Variants in FAM120A observed in about 807,000 individuals in gnomAD.
FAM120A encodes the protein constitutive coactivator of PPAR-gamma-like protein 1.
Under a neutral mutation model 109.7 loss-of-function variants are expected in FAM120A, and 15 were observed. The ratio of observed to expected loss-of-function variants is 0.14; its 90% CI spans 0.09 to 0.21. The LOEUF (loss-of-function observed/expected upper bound fraction) is 0.21, where lower values mean the gene tolerates loss of function less well. FAM120A is among the 10% of genes least tolerant of loss of function. The pLI, the probability that FAM120A is intolerant of heterozygous loss-of-function variation, is 1.00. For synonymous variants in FAM120A, 493 were observed against 572.8 expected, an observed-to-expected ratio of 0.86 and a Z score of 1.99; for missense variants, 899 against 1,439.3, an observed-to-expected ratio of 0.62 and a Z score of 6.07.
At chr9:93,456,401 A>C (rs1187155425) in intron 1 of FAM120A, among the ~76,000 whole-genome samples, 4 of 152,266 alleles carry the variant, frequency 2.6e-5, no homozygotes, top group Non-Finnish European at 5.9e-5. Context: ...GCTCTTACAT[A>C]AAATGGCGTT....
At chr9:93,550,776 T>A (rs755482022) in intron 12 of FAM120A, 85 bp downstream of exon 12, 78 of 932,098 alleles carry the variant, frequency 8.4e-5, no homozygotes, top group Middle Eastern at 2.1e-4. Context: ...CAGGCAGAAT[T>A]GCTAATTCTT....
At chr9:93,518,143 A>T (rs1350538802) in intron 7 of FAM120A, among the ~76,000 whole-genome samples, 1 of 152,190 alleles carries the variant, frequency 6.6e-6, no homozygotes, top group Non-Finnish European at 1.5e-5. Context: ...AGAGACAGAC[A>T]TGTTAGACTT....
chr9:93,564,263 T>A lies in FAM120A; in HGVS notation c.3080T>A (p.Val1027Glu), dbSNP rs773428229. Residue 1027 changes from valine to glutamate, a missense_variant, in exon 18 of 18, where the codon GTG (valine) becomes GAG (glutamate). Around this residue, in one of 11 missense-constraint regions of FAM120A, gnomAD observed 170 missense variants for 205.0 expected, o/e 0.83. Transcript: ENST00000277165. ...CCTTATGCTGCTTCAGCAGAAGAAG[T>A]GGCCAAAGAACTTAAGTCAAAATCT... is the stretch of plus-strand genomic sequence containing the variant. ...RPPYAASAEE[V>E]AKELKSKSGE... is the part of the protein sequence containing the mutation. The A allele has an allele frequency of 1.9e-6, 3 of 1,613,396 alleles. No individual in the cohort carries two copies. Among genetic ancestry groups the A allele is most frequent in the Admixed American group, 1.7e-5 (1 of 59,996 alleles).
chr9:93,512,551 G>A (rs1305792432), intron 5 of FAM120A, among the ~76,000 whole-genome samples: 4 of 144,598 alleles, frequency 2.8e-5, no homozygotes, highest in Non-Finnish European at 6.0e-5. Context: ...TTTTTTTACC[G>A]AAAGCCCACC....
intron 10 of FAM120A, among the ~76,000 whole-genome samples, chr9:93,535,130 T>G (rs2131488438): frequency 6.6e-6 from 1 of 152,280 alleles, no homozygotes; most frequent in South Asian, 2.1e-4. Flanking sequence ...AATAATTGGT[T>G]TAGGTACACA....
In FAM120A at chr9:93,452,984, C is replaced by T; in HGVS notation, c.474+595C>T. 5 of 1,329,314 alleles carry T rather than the reference C, an allele frequency of 3.8e-6. No individual in the cohort carries two copies. The highest frequency in any genetic ancestry group is 3.8e-6 in the Non-Finnish European group (4 of 1,041,600). The allele number at this position is 1,329,314 out of a possible 1,614,324, so 82.3% of individuals were successfully genotyped here. ...AACGCAGTGCCCTGTCCGTGTTCCT[C>T]TTAGTACAGGGTGTTTAGAGAATCT... On this transcript the variant is annotated intron_variant, in intron 1 of 17. Coordinates refer to ENST00000277165, the MANE Select transcript of FAM120A (RefSeq NM_014612.5). The surrounding 1 kb of genome is among the most constrained non-coding windows in gnomAD (Gnocchi z 7.0).
At chr9:93,473,677 A>C (rs991177260) in intron 2 of FAM120A, among the ~76,000 whole-genome samples, 1 of 152,222 alleles carries the variant, frequency 6.6e-6, no homozygotes, top group Non-Finnish European at 1.5e-5. Flanking sequence ...CAGTCAACAA[A>C]ATTGTGATTT....
intron 7 of FAM120A, among the ~76,000 whole-genome samples, chr9:93,525,342 C>T (rs1861028044): frequency 6.6e-6 from 1 of 152,088 alleles, no homozygotes; most frequent in Non-Finnish European, 1.5e-5. Context: ...TTTCCTAACA[C>T]TTGGCCTCCC....
At chr9:93,469,059 T>G (rs1858189197) in intron 1 of FAM120A, among the ~76,000 whole-genome samples, 1 of 152,238 alleles carries the variant, frequency 6.6e-6, no homozygotes, top group South Asian at 2.1e-4. Context: ...CTGCCCATGC[T>G]GCATGGATAC....
chr9:93,524,266 CTCTT>C (rs1274561345), intron 7 of FAM120A, among the ~76,000 whole-genome samples: 1 of 152,186 alleles, frequency 6.6e-6, no homozygotes, highest in Non-Finnish European at 1.5e-5. Flanking sequence ...ACTTAACGTT[CTCTT>C]TCTTTTCTCC....
Position 93,560,938 on chromosome 9 carries a change from AAC to A in FAM120A, c.2807-169_2807-168del, listed in dbSNP as rs796760578. 1.8e-4 allele frequency among the ~76,000 whole-genome samples: 27 copies of A among 152,374 alleles called. No homozygotes were observed. In the East Asian group the frequency reaches 4.0e-3, roughly 23 times the overall value. On this transcript the variant is annotated intron_variant, in intron 15 of 17. Transcript: ENST00000277165. ...GGTTCTTCACAGTAGTTTAAAGTCA[AAC>A]AGTGTGCACATAGATACACTACATA...
intron 5 of FAM120A, among the ~76,000 whole-genome samples, chr9:93,512,647 C>T (rs981027773): frequency 6.6e-6 from 1 of 152,080 alleles, no homozygotes; most frequent in Non-Finnish European, 1.5e-5. Flanking sequence ...GAGAAAGATG[C>T]CTCTTGTTGT....
chr9:93,454,321 CCTTA>C (rs1857449302), intron 1 of FAM120A, among the ~76,000 whole-genome samples: 1 of 152,142 alleles, frequency 6.6e-6, no homozygotes, highest in African/African-American at 2.4e-5. Context: ...TAGCTGGCAA[CCTTA>C]CCTTTTTGAA....
At chr9:93,525,132 C>A (rs1191895679) in intron 7 of FAM120A, among the ~76,000 whole-genome samples, 4 of 151,718 alleles carry the variant, frequency 2.6e-5, no homozygotes, top group African/African-American at 9.7e-5. Context: ...GCTTTTCAGG[C>A]AGAATTTTAG....
chr9:93,542,078 A>G (rs1045005582), intron 10 of FAM120A, among the ~76,000 whole-genome samples: 6 of 152,222 alleles, frequency 3.9e-5, no homozygotes, highest in African/African-American at 1.4e-4. Flanking sequence ...ACAAACCCAG[A>G]GAGATTAATG....
chr9:93,510,443 A>G (rs1289902586), intron 5 of FAM120A, among the ~76,000 whole-genome samples: 1 of 152,254 alleles, frequency 6.6e-6, no homozygotes, highest in Non-Finnish European at 1.5e-5. Flanking sequence ...TGGCGTTTCA[A>G]TATTTGGTTA....
chr9:93,482,943 T>A (rs1203987237), intron 3 of FAM120A, among the ~76,000 whole-genome samples: 1 of 152,234 alleles, frequency 6.6e-6, no homozygotes, highest in African/African-American at 2.4e-5. Context: ...AGCCAGCTTT[T>A]GTCCGAGAAG....
chr9:93,497,172 C>T (rs963889842), intron 3 of FAM120A, among the ~76,000 whole-genome samples: 6 of 152,200 alleles, frequency 3.9e-5, no homozygotes, highest in Admixed American at 6.5e-5. Flanking sequence ...TGGAATTAAT[C>T]GCAAACAAGT....
chr9:93,503,853 A>T (rs542337413), intron 5 of FAM120A, among the ~76,000 whole-genome samples: 4 of 152,072 alleles, frequency 2.6e-5, no homozygotes, highest in African/African-American at 9.6e-5. Context: ...ATATATATAT[A>T]TTTTAAAGTA....
Sources: gnomAD v4.1 joint callset for allele counts (sites outside exome capture counted in the v4.1 genomes callset) on GRCh38, gnomAD v4.1.1 for gene constraint, gnomAD v4.1.1 regional missense constraint, Gnocchi (gnomAD v3.1) non-coding constraint, MANE v1.5 for transcripts, NCBI Gene and HGNC (gene_info 2026-07-23, HGNC 2026-07-21) for gene names.